The following DMD variants were observed in gnomAD, a reference collection of about 807,000 sequenced individuals.
DMD encodes mutant dystrophin.
In DMD, 63 loss-of-function variants were observed where a neutral mutation model predicts 330.1. That is an observed-to-expected ratio of 0.19 (90% CI 0.16 to 0.24). The LOEUF (loss-of-function observed/expected upper bound fraction) is 0.24. Among genes scored for constraint, DMD ranks in the 10% least tolerant of loss-of-function variants. DMD has a pLI of 1.00. For synonymous variants in DMD, 1,223 were observed against 959.8 expected, an observed-to-expected ratio of 1.27 and a Z score of -5.07; for missense variants, 3,344 against 2,684.1, an observed-to-expected ratio of 1.25 and a Z score of -5.43.
intron 41 of DMD, 24 bp downstream of exon 41, chrX:32,342,076 G>A (rs759412684): frequency 5.0e-6 from 6 of 1,191,319 alleles, no homozygotes; most frequent in Non-Finnish European, 5.7e-6. Flanking sequence ...AAACACATAC[G>A]TGGGTTTGCC....
chrX:31,764,115 A>G (rs2089828581), intron 51 of DMD, among the ~76,000 whole-genome samples: 1 of 111,310 alleles, frequency 9.0e-6, no homozygotes, highest in East Asian at 2.8e-4. Context: ...TTCTGGCCTC[A>G]AGGGATCCTC....
At chrX:32,201,417 A>G (rs1226459007) in intron 44 of DMD, among the ~76,000 whole-genome samples, 1 of 99,694 alleles carries the variant, frequency 1.0e-5, no homozygotes, top group East Asian at 3.1e-4. Flanking sequence ...CATCATTACC[A>G]CCATCTGTGG....
At chrX:32,280,613 A>G (rs2097417268) in intron 43 of DMD, among the ~76,000 whole-genome samples, 1 of 111,584 alleles carries the variant, frequency 9.0e-6, no homozygotes. Flanking sequence ...TATCTTCCCA[A>G]CTACATATGG....
At chrX:31,203,735 G>C (rs890724485) in intron 67 of DMD, among the ~76,000 whole-genome samples, 2 of 111,260 alleles carry the variant, frequency 1.8e-5, no homozygotes, top group African/African-American at 6.5e-5. Flanking sequence ...AATAACTGTG[G>C]GGTCCCTGCT....
chrX:31,702,621 C>G (rs748592495), intron 52 of DMD, among the ~76,000 whole-genome samples: 2 of 111,300 alleles, frequency 1.8e-5, no homozygotes, highest in South Asian at 7.6e-4. Flanking sequence ...CTCTCTAGTT[C>G]AGCGGAACAC....
At chrX:31,154,281 GT>G (rs368158779) in intron 74 of DMD, among the ~76,000 whole-genome samples, 160 of 99,414 alleles carry the variant, frequency 1.6e-3, no homozygotes, top group African/African-American at 5.0e-3. Context: ...TTATTCTAAT[GT>G]TTTTTTTTTA....
chrX:32,519,263 T>C (rs1176134099), intron 17 of DMD, among the ~76,000 whole-genome samples: 1 of 69,251 alleles, frequency 1.4e-5, no homozygotes, highest in Non-Finnish European at 2.9e-5. Context: ...AAGTGGAATC[T>C]AAAAAAAAAA....
chrX:32,723,182 G>C (rs574697661), intron 7 of DMD, among the ~76,000 whole-genome samples: 13 of 111,570 alleles, frequency 1.2e-4, no homozygotes, highest in African/African-American at 4.2e-4. Context: ...TGCATGTATT[G>C]AGATAATCAT....
intron 2 of DMD, among the ~76,000 whole-genome samples, chrX:32,874,017 G>C (rs2083196207): frequency 8.9e-6 from 1 of 111,885 alleles, no homozygotes; most frequent in Non-Finnish European, 1.9e-5. Context: ...GATAGCGCCT[G>C]AAAATGTACA....
intron 44 of DMD, among the ~76,000 whole-genome samples, chrX:31,968,922 G>A (rs2095374654): frequency 9.0e-6 from 1 of 110,763 alleles, no homozygotes; most frequent in African/African-American, 3.3e-5. Context: ...CTTAGTGATC[G>A]TGGATACGAG....
At chrX:32,167,023 C>T (rs1450538248) in intron 44 of DMD, among the ~76,000 whole-genome samples, 1 of 111,566 alleles carries the variant, frequency 9.0e-6, no homozygotes, top group Non-Finnish European at 1.9e-5. Context: ...TTGTGTTCTG[C>T]ACATTTGAAA....
chrX:32,656,044 G>T (rs749923855), intron 9 of DMD, among the ~76,000 whole-genome samples: 19 of 111,445 alleles, frequency 1.7e-4, no homozygotes, highest in Non-Finnish European at 2.6e-4. Context: ...CCTCCAATAT[G>T]TATCTTTCTT....
rs58479792 is a variant in DMD at position 31,344,037 on chromosome X, C to CGGG, written c.9163+4516_9163+4518dup. On this transcript the variant is annotated intron_variant, in intron 61 of 78. Transcript: ENST00000357033. Reference sequence around the variant, plus strand: ...TTGCTCTGTCACACAGATTGGAGTGCGGGGGGGGGTGGATTATGGATCACT... The same window carrying CGGG: ...TTGCTCTGTCACACAGATTGGAGTGCGGGGGGGGGGGGTGGATTATGGATCACT... Among the ~76,000 whole-genome samples, 180 of 83,126 alleles carry CGGG rather than the reference C, an allele frequency of 2.2e-3. 1 individual carries two copies. The highest frequency in any genetic ancestry group is 7.4e-3 in the African/African-American group (165 of 22,176). The allele number at this position is 83,126 out of a possible 115,157, so 72.2% of individuals were successfully genotyped here. A position where few individuals can be genotyped will look rare whatever the true frequency, so the allele number is the denominator to read the frequency against.
rs188489948 is a variant in DMD, at chrX:31,794,508, C to T, written c.7310-20316G>A. ...GATTAAATTATTAAGAACCTCTGAT[C>T]TAGCTATTTCATATTTTAGATGTGA... On this transcript the variant is annotated intron_variant, in intron 50 of 78. Coordinates refer to ENST00000357033, the MANE Select transcript of DMD (RefSeq NM_004006.3). 1.1e-3 allele frequency among the ~76,000 whole-genome samples: 125 copies of T among 111,905 alleles called. 1 individual carries two copies. The highest frequency in any genetic ancestry group is 3.9e-3 in the African/African-American group (120 of 30,836).
chrX:32,192,448 C>A (rs2096980271), intron 44 of DMD, among the ~76,000 whole-genome samples: 1 of 111,678 alleles, frequency 9.0e-6, no homozygotes, highest in South Asian at 3.8e-4. Context: ...CAAAGACCCC[C>A]AACTCAATTC....
chrX:32,965,186 T>A (rs775279259), intron 2 of DMD, among the ~76,000 whole-genome samples: 1 of 111,412 alleles, frequency 9.0e-6, no homozygotes, highest in African/African-American at 3.3e-5. Context: ...ATGTATTTGA[T>A]GATATTAAGC....
rs1231175152 is a variant in DMD at position 32,133,002 on chromosome X, T to C, written c.6438+83914A>G. ...TCACTCCTTTTCTTTTCTTTTTTTT[T>C]TTTTTTTTTTTTTTTTTTTTTTTAG... On this transcript the variant is annotated intron_variant, in intron 44 of 78. Transcript: ENST00000357033. 6.0e-4 allele frequency among the ~76,000 whole-genome samples: 47 copies of C among 78,533 alleles called. 1 individual carries two copies. Among genetic ancestry groups the C allele is most frequent in the Admixed American group, 4.4e-3 (32 of 7,244 alleles). 68.2% of individuals were successfully genotyped at this position (78,533 alleles called of 115,157 possible).
intron 19 of DMD, among the ~76,000 whole-genome samples, chrX:32,494,999 T>A (rs1332622195): frequency 1.8e-5 from 2 of 110,132 alleles, no homozygotes; most frequent in East Asian, 5.7e-4. Flanking sequence ...ATAAAAAGAG[T>A]TTATTTGGGA....
At chrX:32,397,521 G>A (rs192645862) in intron 30 of DMD, among the ~76,000 whole-genome samples, 9 of 111,594 alleles carry the variant, frequency 8.1e-5, no homozygotes, top group African/African-American at 2.6e-4. Context: ...AAAGACATTT[G>A]AGCTTATCTC....
Sources: gnomAD v4.1 joint callset for allele counts (sites outside exome capture counted in the v4.1 genomes callset) on GRCh38, gnomAD v4.1.1 for gene constraint, MANE v1.5 for transcripts, NCBI Gene and HGNC (gene_info 2026-07-23, HGNC 2026-07-21) for gene names.